The following NRG3 variants were observed in gnomAD, a reference collection of about 807,000 sequenced individuals.
NRG3 encodes the protein neuregulin 3.
A neutral mutation model predicts 66.9 loss-of-function variants in NRG3; 31 were observed. The ratio of observed to expected loss-of-function variants is 0.46; its 90% CI spans 0.35 to 0.63. The LOEUF (loss-of-function observed/expected upper bound fraction) is 0.63, where lower values mean the gene tolerates loss of function less well. Ranked by LOEUF, NRG3 falls within the 20% of genes least tolerant of loss-of-function variation. The probability of loss-of-function intolerance (pLI) is 0.00; values close to 1 mark genes in which losing one functional copy is unlikely to be tolerated. For synonymous variants in NRG3, 393 were observed against 359.4 expected (o/e 1.09, Z -1.06); for missense variants, 910 against 878.9 (o/e 1.04, Z -0.45).
chr10:82,943,436 AG>A lies in NRG3; in HGVS notation c.1055-8030del, dbSNP rs35179008. Among the ~76,000 whole-genome samples, 544 of 152,292 alleles carry A rather than the reference AG, an allele frequency of 3.6e-3. 3 individuals carry two copies. The highest frequency in any genetic ancestry group is 0.012 in the African/African-American group (517 of 41,564). On this transcript the variant is annotated intron_variant, in intron 4 of 8. Coordinates refer to ENST00000372141, the MANE Select transcript of NRG3 (RefSeq NM_001010848.4). ...ATCCAAGTTCAAAGGCCTCAGAACC[AG>A]GGAAGCCAATGATGTGATTCTCAGT...
Position 82,292,823 on chromosome 10 carries a change from T to G in NRG3, c.824-65916T>G, listed in dbSNP as rs544337303. 1.2e-4 allele frequency among the ~76,000 whole-genome samples: 19 copies of G among 152,304 alleles called. No homozygotes were observed. The East Asian group carries it at 3.7e-3, about 29-fold the overall frequency. On this transcript the variant is annotated intron_variant, in intron 1 of 8. Coordinates refer to ENST00000372141, the MANE Select transcript of NRG3 (RefSeq NM_001010848.4). ...TAGAAATGGAAAACAATGTGTAGTTTCCAGGGTTTAGGCAAGAGTTCAGAG... is the reference window on the plus strand; with the variant it reads ...TAGAAATGGAAAACAATGTGTAGTTGCCAGGGTTTAGGCAAGAGTTCAGAG...
intron 1 of NRG3, among the ~76,000 whole-genome samples, chr10:82,284,690 C>T (rs1301797074): frequency 2.6e-5 from 4 of 152,080 alleles, no homozygotes; most frequent in African/African-American, 7.2e-5. Flanking sequence ...TTAATTTTAG[C>T]ACACCTAATA....
chr10:82,788,083 A>C (rs1591527692), intron 3 of NRG3, among the ~76,000 whole-genome samples: 1 of 152,286 alleles, frequency 6.6e-6, no homozygotes, highest in East Asian at 1.9e-4. Context: ...TACTTCATAT[A>C]TTTTATTTTA....
At chr10:82,332,313 G>C (rs529620915) in intron 1 of NRG3, among the ~76,000 whole-genome samples, 5 of 152,186 alleles carry the variant, frequency 3.3e-5, no homozygotes, top group Non-Finnish European at 2.9e-5. Flanking sequence ...CCTCACATTT[G>C]TGTAGCATCG....
chr10:82,965,395 T>G (rs1310406619), intron 6 of NRG3, among the ~76,000 whole-genome samples: 1 of 152,158 alleles, frequency 6.6e-6, no homozygotes, highest in Non-Finnish European at 1.5e-5. Flanking sequence ...GTCCAGACCT[T>G]AGCTTGTCTC....
chr10:82,045,183 A>G (rs1248300704), intron 1 of NRG3, among the ~76,000 whole-genome samples: 1 of 57,890 alleles, frequency 1.7e-5, no homozygotes, highest in Admixed American at 2.5e-4. Context: ...AGTCCCACCA[A>G]CAGTGTAAAA....
chr10:81,977,390 T>C (rs771504791), intron 1 of NRG3, among the ~76,000 whole-genome samples: 2 of 152,170 alleles, frequency 1.3e-5, no homozygotes, highest in Non-Finnish European at 2.9e-5. Flanking sequence ...ATTCACCAAA[T>C]CAGTGGGCAA....
At chr10:82,191,414 A>C (rs1209112755) in intron 1 of NRG3, among the ~76,000 whole-genome samples, 1 of 152,040 alleles carries the variant, frequency 6.6e-6, no homozygotes. Flanking sequence ...TATAAATGCA[A>C]CCCTAGTCTC....
At chr10:81,964,599 G>C (rs1015801490) in intron 1 of NRG3, among the ~76,000 whole-genome samples, 1 of 151,994 alleles carries the variant, frequency 6.6e-6, no homozygotes, top group Non-Finnish European at 1.5e-5. Context: ...GTGCACCTGG[G>C]TGAGTATGTG....
At chr10:82,490,918 G>T (rs992530645) in intron 2 of NRG3, among the ~76,000 whole-genome samples, 1 of 151,968 alleles carries the variant, frequency 6.6e-6, no homozygotes, top group East Asian at 1.9e-4. Context: ...TTCATCTAGG[G>T]TCTGTTTTCA....
At chr10:82,068,287 G>T (rs11192381) in intron 1 of NRG3, among the ~76,000 whole-genome samples, 4,660 of 152,272 alleles carry the variant, frequency 0.031, 247 homozygotes, top group African/African-American at 0.11. Context: ...CACTGCACGT[G>T]ATACAGAAGC....
chr10:82,384,787 A>G (rs892988598), intron 2 of NRG3, among the ~76,000 whole-genome samples: 1 of 152,208 alleles, frequency 6.6e-6, no homozygotes, highest in East Asian at 1.9e-4. Flanking sequence ...TCCTTTGGGT[A>G]TATACCCAGT....
chr10:82,365,307 T>G (rs2084452441), intron 2 of NRG3, among the ~76,000 whole-genome samples: 1 of 152,192 alleles, frequency 6.6e-6, no homozygotes, highest in Admixed American at 6.6e-5. Context: ...CAGGCCAGGC[T>G]GCAGAGTCAC....
intron 2 of NRG3, among the ~76,000 whole-genome samples, chr10:82,681,987 G>A (rs2054138616): frequency 6.6e-6 from 1 of 152,154 alleles, no homozygotes; most frequent in Non-Finnish European, 1.5e-5. Context: ...CTCAACAACC[G>A]CCTGCTGAAT....
At chr10:82,037,707 A>T (rs189715513) in intron 1 of NRG3, among the ~76,000 whole-genome samples, 51 of 152,218 alleles carry the variant, frequency 3.4e-4, no homozygotes, top group Middle Eastern at 6.8e-3. Context: ...TCAACATGGC[A>T]CTTAAACTTG....
At chr10:82,653,845 A>G (rs2133909915) in intron 2 of NRG3, among the ~76,000 whole-genome samples, 1 of 152,322 alleles carries the variant, frequency 6.6e-6, no homozygotes, top group Non-Finnish European at 1.5e-5. Context: ...TTACTGAGCT[A>G]CAGTACACAA....
At chr10:82,191,473 A>G (rs1366780019) in intron 1 of NRG3, among the ~76,000 whole-genome samples, 2 of 152,078 alleles carry the variant, frequency 1.3e-5, no homozygotes, top group South Asian at 4.1e-4. Context: ...AGAGTTCATC[A>G]TTTATTTCTA....
intron 1 of NRG3, among the ~76,000 whole-genome samples, chr10:82,256,444 C>T (rs1301859136): frequency 2.6e-5 from 4 of 152,122 alleles, no homozygotes; most frequent in African/African-American, 7.2e-5. Context: ...GCTCACTGCC[C>T]TCTTCAGGTG....
intron 1 of NRG3, among the ~76,000 whole-genome samples, chr10:82,182,606 T>G (rs2073504813): frequency 6.6e-6 from 1 of 151,958 alleles, no homozygotes; most frequent in Non-Finnish European, 1.5e-5. Context: ...ATTTTTATAG[T>G]TATTGCTATT....
Sources: allele counts gnomAD v4.1 joint callset (sites outside exome capture counted in the v4.1 genomes callset), GRCh38; gene constraint gnomAD v4.1.1; transcripts MANE v1.5; gene names NCBI Gene and HGNC (gene_info 2026-07-23, HGNC 2026-07-21).